The following FAM234B variants were observed in gnomAD, a reference collection of about 807,000 sequenced individuals.
FAM234B encodes the protein protein FAM234B.
FAM234B carries 33 observed loss-of-function variants against 69.3 expected under a neutral mutation model. That is an observed-to-expected ratio of 0.48 (90% CI 0.36 to 0.64). The LOEUF is 0.64. Ranked by LOEUF, FAM234B falls within the 30% of genes least tolerant of loss-of-function variation. FAM234B has a pLI of 0.00. For synonymous variants in FAM234B, 306 were observed against 306.9 expected, an observed-to-expected ratio of 1.00 and a Z score of 0.03; for missense variants, 697 against 769.7, an observed-to-expected ratio of 0.91 and a Z score of 1.12.
intron 10 of FAM234B, among the ~76,000 whole-genome samples, chr12:13,072,232 A>G (rs751128798): frequency 6.6e-6 from 1 of 152,170 alleles, no homozygotes; most frequent in Non-Finnish European, 1.5e-5. Context: ...TCTGAACCTC[A>G]TTATCTTTAT....
At chr12:13,064,845 CTG>C (rs1865020775) in intron 5 of FAM234B, among the ~76,000 whole-genome samples, 2 of 152,270 alleles carry the variant, frequency 1.3e-5, no homozygotes, top group Admixed American at 1.3e-4. Context: ...AAACCTAAGT[CTG>C]TGACTTATAG....
At chr12:13,070,839 G>T (rs1865098018) in intron 9 of FAM234B, among the ~76,000 whole-genome samples, 1 of 152,126 alleles carries the variant, frequency 6.6e-6, no homozygotes, top group Admixed American at 6.5e-5. Flanking sequence ...TGTTGTGGGG[G>T]ATAAGGTGCT....
In FAM234B at chr12:13,044,478, C is replaced by T. The variant is rs1436863447; in HGVS notation, c.37+38C>T. The T allele has an allele frequency of 2.6e-6, 4 of 1,549,306 alleles. No individual in the cohort carries two copies. The highest frequency in any genetic ancestry group is 2.4e-5 in the East Asian group (1 of 40,854). On this transcript the variant is annotated intron_variant, in intron 1 of 12. Coordinates refer to ENST00000197268, the MANE Select transcript of FAM234B (RefSeq NM_020853.2). This position sits in a 1 kb window ranked among gnomAD's most constrained non-coding sequence, Gnocchi z 5.6. ...ATGCTTGCGACCACCCAGTCCCCGCCGGTGTTGGAATAAGGGGAGGCGAGG... is the reference window on the plus strand; with the variant it reads ...ATGCTTGCGACCACCCAGTCCCCGCTGGTGTTGGAATAAGGGGAGGCGAGG...
chr12:13,056,978 C>CT (rs72097692), intron 2 of FAM234B, among the ~76,000 whole-genome samples: 8,770 of 129,404 alleles, frequency 0.068, 670 homozygotes, highest in East Asian at 0.26. Flanking sequence ...CTGTGAACTG[C>CT]TTTTTTTTTT....
In FAM234B at chr12:13,055,694, G is replaced by T. The variant is rs749647532; in HGVS notation, c.181G>T (p.Asp61Tyr). The T allele has an allele frequency of 6.2e-7, 1 of 1,614,244 alleles. No individual in the cohort carries two copies. The highest frequency in any genetic ancestry group is 1.1e-5 in the South Asian group (1 of 91,086). ...TCCTTTGGGAGAAGCGCCAGAACCC[G>T]ACTCAGATGCTGAGGTTGCAGAGGC... ...KSPLGEAPEP[D>Y]SDAEVAEAAK... Residue 61 changes from aspartate to tyrosine, a missense_variant, in exon 2 of 13, where the codon GAC (aspartate) becomes TAC (tyrosine). Asp to Tyr is a radical substitution (Grantham distance 160). Transcript: ENST00000197268.
chr12:13,077,761 A>G (rs961286077), intron 11 of FAM234B, among the ~76,000 whole-genome samples: 2 of 152,212 alleles, frequency 1.3e-5, no homozygotes, highest in African/African-American at 4.8e-5. Context: ...TGGCAGCATG[A>G]TTTATAGTCT....
chr12:13,055,832 T>A lies in FAM234B; in HGVS notation c.319T>A (p.Phe107Ile). ...GGTGTCATATGTGCGCACGTCTGTC[T>A]TCCTGCTGACTTTGGGGATCTCGAT... ...SLVSYVRTSV[F>I]LLTLGISMIL... The change falls in exon 2 of 13, where the codon TTC (phenylalanine) becomes ATC (isoleucine). Residue 107 changes from phenylalanine to isoleucine, a missense_variant. Phe to Ile is a conservative substitution (Grantham distance 21). Transcript: ENST00000197268. The A allele has an allele frequency of 6.2e-7, 1 of 1,614,118 alleles. No homozygotes were observed. Among genetic ancestry groups the A allele is most frequent in the South Asian group, 1.1e-5 (1 of 91,074 alleles).
intron 3 of FAM234B, 35 bp downstream of exon 3, chr12:13,058,584 G>T (rs752137643): frequency 6.5e-7 from 1 of 1,545,140 alleles, no homozygotes; most frequent in Admixed American, 1.7e-5. Context: ...CTGCTACAGG[G>T]GCACTGTCAG....
Position 13,067,604 on chromosome 12 carries a change from A to C in FAM234B, c.1142+308A>C, listed in dbSNP as rs1374846580. On this transcript the variant is annotated intron_variant, in intron 7 of 12. Transcript: ENST00000197268. This position sits in a 1 kb window ranked among gnomAD's most constrained non-coding sequence, Gnocchi z 4.7. ...GATAGACTTATCTAACTGTTTGTGAAACTGTGCTGAAGGATCTGACCTACT... is the reference window on the plus strand; with the variant it reads ...GATAGACTTATCTAACTGTTTGTGACACTGTGCTGAAGGATCTGACCTACT... Among the ~76,000 whole-genome samples the C allele has an allele frequency of 6.6e-6, 1 of 152,148 alleles. No individual in the cohort carries two copies. The highest frequency in any genetic ancestry group is 1.9e-4 in the East Asian group (1 of 5,190).
At chr12:13,070,210 T>TATATATAA in intron 9 of FAM234B, among the ~76,000 whole-genome samples, 2 of 140,528 alleles carry the variant, frequency 1.4e-5, no homozygotes, top group African/African-American at 5.2e-5. Flanking sequence ...TATATATATA[T>TATATATAA]AAAATGAAAT....
chr12:13,073,289 C>G (rs1017787957), intron 10 of FAM234B, among the ~76,000 whole-genome samples: 7 of 152,088 alleles, frequency 4.6e-5, no homozygotes, highest in Non-Finnish European at 8.8e-5. Context: ...GCCACCGCAC[C>G]CAGCCAATGT....
At chr12:13,071,817 A>T (rs775674586) in intron 10 of FAM234B, among the ~76,000 whole-genome samples, 2 of 152,124 alleles carry the variant, frequency 1.3e-5, no homozygotes, top group South Asian at 4.2e-4. Context: ...AGGAACGGGG[A>T]TGGGGGAGGG....
rs201673882 is a variant in FAM234B at position 13,071,286 on chromosome 12, C to T, written c.1414C>T (p.Arg472Cys). 5.5e-5 allele frequency: 88 copies of T among 1,614,074 alleles called. No individual in the cohort carries two copies. In the East Asian group the frequency reaches 1.5e-3, roughly 27 times the overall value. ...GDSGSIVWSY[R>C]APCHMKETPA... ...CTCTGGCTCCATTGTTTGGAGTTAC[C>T]GTGCTCCGTGTCACATGAAAGAAAC... Residue 472 changes from arginine to cysteine, a missense_variant, in exon 10 of 13, where the codon CGT becomes TGT. Around this residue, in one of 3 missense-constraint regions of FAM234B, gnomAD observed 313 missense variants for 305.5 expected, o/e 1.02. Coordinates refer to ENST00000197268, the MANE Select transcript of FAM234B (RefSeq NM_020853.2).
chr12:13,049,551 C>A (rs1175644357), intron 1 of FAM234B, among the ~76,000 whole-genome samples: 1 of 152,184 alleles, frequency 6.6e-6, no homozygotes, highest in Non-Finnish European at 1.5e-5. Flanking sequence ...TAGTTATTTC[C>A]ATTACATTTT....
intron 3 of FAM234B, among the ~76,000 whole-genome samples, chr12:13,059,221 G>C (rs1324441703): frequency 1.3e-5 from 2 of 152,232 alleles, no homozygotes; most frequent in South Asian, 2.1e-4. Flanking sequence ...CTACAGCCTT[G>C]ACCCTGGGTC....
At position 13,055,779 on chromosome 12, in the gene FAM234B, G is replaced by A. The variant is rs1414342007; in HGVS notation, c.266G>A (p.Gly89Asp). The A allele has an allele frequency of 1.2e-6, 2 of 1,614,168 alleles. No individual in the cohort carries two copies. The highest frequency in any genetic ancestry group is 8.5e-7 in the Non-Finnish European group (1 of 1,180,020). The change falls in exon 2 of 13, where the codon GGC becomes GAC. Residue 89 changes from glycine to aspartate, a missense_variant. Coordinates refer to ENST00000197268, the MANE Select transcript of FAM234B (RefSeq NM_020853.2). ...TEGYPSEPLG[G>D]LEQKAASSLV... is the part of the protein sequence containing the mutation. ...GGCTACCCCTCAGAACCCCTTGGGG[G>A]CCTGGAACAGAAGGCGGCCTCCTCC...
At position 13,058,561 on chromosome 12, in the gene FAM234B, G is replaced by A. The variant is rs1565508297; in HGVS notation, c.532+12G>A. ...CGGGAGTGCAGTAGGTAAGAGACGT[G>A]TTTTTTTCAAGGCTGCTACAGGGGC... On this transcript the variant is annotated intron_variant, in intron 3 of 12. Transcript: ENST00000197268. 12 of 1,610,232 alleles carry A rather than the reference G, an allele frequency of 7.5e-6. No homozygotes were observed. Among genetic ancestry groups the A allele is most frequent in the Admixed American group, 1.7e-5 (1 of 59,978 alleles).
rs1865043384 is a variant in FAM234B at position 13,066,750 on chromosome 12, C to T, written c.963C>T (p.Ile321=). The T allele has an allele frequency of 6.2e-7, 1 of 1,613,886 alleles. No individual in the cohort carries two copies. Among genetic ancestry groups the T allele is most frequent in the African/African-American group, 1.3e-5 (1 of 74,896 alleles). ...ATCTGATTGGTCCTCAGGTTTACATCACCACAAATGGGGCTGTCTACATCC... is the reference window on the plus strand; with the variant it reads ...ATCTGATTGGTCCTCAGGTTTACATTACCACAAATGGGGCTGTCTACATCC... ...VGNLIGPQVY[I]TTNGAVYILF... is the part of the protein sequence containing the mutation. Residue 321 remains isoleucine (I), a synonymous_variant, in exon 6 of 13, where the codon ATC becomes ATT. Coordinates refer to ENST00000197268, the MANE Select transcript of FAM234B (RefSeq NM_020853.2).
intron 2 of FAM234B, among the ~76,000 whole-genome samples, chr12:13,057,170 G>A (rs937468961): frequency 6.6e-6 from 1 of 151,918 alleles, no homozygotes; most frequent in Non-Finnish European, 1.5e-5. Flanking sequence ...TAGAGACGGG[G>A]TTTTGCCATT....
Sources: gnomAD v4.1 joint callset for allele counts (sites outside exome capture counted in the v4.1 genomes callset) on GRCh38, gnomAD v4.1.1 for gene constraint, gnomAD v4.1.1 regional missense constraint, Gnocchi (gnomAD v3.1) non-coding constraint, MANE v1.5 for transcripts, NCBI Gene and HGNC (gene_info 2026-07-23, HGNC 2026-07-21) for gene names.